Variants in SLCO3A1 observed in about 807,000 individuals in gnomAD.
The protein encoded by SLCO3A1 is solute carrier organic anion transporter family member 3A1, also known as PGE1 transporter.
A neutral mutation model predicts 63.1 loss-of-function variants in SLCO3A1; 27 were observed. The observed-to-expected ratio is 0.43, with a 90% CI of 0.32 to 0.59. SLCO3A1 has a LOEUF of 0.59. SLCO3A1 is among the 20% of genes least tolerant of loss of function. The pLI, the probability that SLCO3A1 is intolerant of heterozygous loss-of-function variation, is 0.09. For missense variants in SLCO3A1, 773 were observed against 945.8 expected, an observed-to-expected ratio of 0.82 and a Z score of 2.40; for synonymous variants, 473 against 409.9, an observed-to-expected ratio of 1.15 and a Z score of -1.86.
At chr15:92,151,341 G>C in intron 9 of SLCO3A1, 1 of 207,910 alleles carries the variant, frequency 4.8e-6, no homozygotes, top group East Asian at 1.2e-4. Context: ...GCCATGAGCA[G>C]CTTGTGAAAT....
intron 2 of SLCO3A1, among the ~76,000 whole-genome samples, chr15:92,017,407 G>A (rs1314611049): frequency 1.3e-5 from 2 of 152,114 alleles, no homozygotes; most frequent in Admixed American, 6.6e-5. Flanking sequence ...TGACAGGGAA[G>A]GACCTAGTGT....
chr15:91,907,484 G>A (rs1274241870), intron 1 of SLCO3A1, among the ~76,000 whole-genome samples: 1 of 151,506 alleles, frequency 6.6e-6, no homozygotes, highest in Non-Finnish European at 1.5e-5. Context: ...AGGATTACAG[G>A]CATGAGCCAC....
intron 2 of SLCO3A1, among the ~76,000 whole-genome samples, chr15:92,032,267 G>A (rs1223946749): frequency 1.3e-5 from 2 of 152,174 alleles, no homozygotes; most frequent in Non-Finnish European, 2.9e-5. Context: ...GGAGAATGAG[G>A]GAGCAGTGGG....
intron 4 of SLCO3A1, among the ~76,000 whole-genome samples, chr15:92,119,043 G>A (rs1567130003): frequency 6.6e-6 from 1 of 152,186 alleles, no homozygotes. Flanking sequence ...TGTATCAGCT[G>A]TATTTCAGCT....
At chr15:91,976,150 A>G (rs993649280) in intron 2 of SLCO3A1, among the ~76,000 whole-genome samples, 1 of 152,176 alleles carries the variant, frequency 6.6e-6, no homozygotes, top group African/African-American at 2.4e-5. Flanking sequence ...GAAAGCAGAA[A>G]TGGGGATGTT....
chr15:92,047,593 A>AATATATAAATATATATATAAATAT lies in SLCO3A1; in HGVS notation c.647-47280_647-47279insATATATATATAAATATATATATAA, dbSNP rs1555427745. Among the ~76,000 whole-genome samples the AATATATAAATATATATATAAATAT allele has an allele frequency of 6.4e-4, 4 of 6,274 alleles. 1 individual carries two copies. Among genetic ancestry groups the AATATATAAATATATATATAAATAT allele is most frequent in the Non-Finnish European group, 1.3e-3 (3 of 2,310 alleles). 4.1% of individuals were successfully genotyped at this position (6,274 alleles called of 152,430 possible). On this transcript the variant is annotated intron_variant, in intron 2 of 9. Transcript: ENST00000318445. ...ATAAATATATATATAATATATATAT[A>AATATATAAATATATATATAAATAT]ATATATAATATATATATAATATATA...
In SLCO3A1 at chr15:92,163,189, T is replaced by C; in HGVS notation, c.*54T>C. 2.1e-6 allele frequency: 3 copies of C among 1,413,990 alleles called. No individual in the cohort carries two copies. In the South Asian group the frequency reaches 5.5e-5, roughly 26 times the overall value. The allele number at this position is 1,413,990 out of a possible 1,614,324, so 87.6% of individuals were successfully genotyped here. ...AGTAATCCAAGGGTCATTTTTTTCT[T>C]AAAAAAAGAAAAAAAGGTTCCAAAA... On this transcript the variant is annotated 3_prime_UTR_variant, in exon 10 of 10. Coordinates refer to ENST00000318445, the MANE Select transcript of SLCO3A1 (RefSeq NM_013272.4).
intron 1 of SLCO3A1, among the ~76,000 whole-genome samples, chr15:91,898,439 C>T (rs1361551640): frequency 2.6e-5 from 4 of 152,228 alleles, no homozygotes; most frequent in Non-Finnish European, 5.9e-5. Flanking sequence ...ACAAACATCT[C>T]ATTTCTGTAA....
intron 2 of SLCO3A1, among the ~76,000 whole-genome samples, chr15:91,964,361 T>G (rs1900577627): frequency 6.6e-6 from 1 of 152,178 alleles, no homozygotes. Flanking sequence ...TTCTACCCTT[T>G]TTAGGGCATG....
At chr15:92,090,178 T>C (rs1265332655) in intron 2 of SLCO3A1, among the ~76,000 whole-genome samples, 1 of 152,196 alleles carries the variant, frequency 6.6e-6, no homozygotes, top group Non-Finnish European at 1.5e-5. Context: ...CACTTGGTTT[T>C]CTCACAGCAA....
intron 1 of SLCO3A1, among the ~76,000 whole-genome samples, chr15:91,892,081 C>G (rs1006698632): frequency 1.3e-5 from 2 of 152,192 alleles, no homozygotes; most frequent in Non-Finnish European, 1.5e-5. Flanking sequence ...GCCCCCTCCC[C>G]CCAGCTTTGC....
intron 2 of SLCO3A1, among the ~76,000 whole-genome samples, chr15:92,084,575 C>T (rs2047383524): frequency 6.6e-6 from 1 of 152,152 alleles, no homozygotes; most frequent in African/African-American, 2.4e-5. Context: ...GTCAGAAACA[C>T]GAATGGGTGC....
chr15:91,853,751 A>G lies in SLCO3A1; in HGVS notation c.-158A>G. ...GCGGCGGCGAGGAGCTGTGCCTTCC[A>G]CCTCTCCAGCCCCGGCAGGACGGGG... On this transcript the variant is annotated 5_prime_UTR_variant, in exon 1 of 10. Transcript: ENST00000318445. 1.6e-6 allele frequency: 1 copy of G among 620,768 alleles called. No homozygotes were observed. The highest frequency in any genetic ancestry group is 2.0e-6 in the Non-Finnish European group (1 of 488,668). The allele number at this position is 620,768 out of a possible 1,614,324, so 38.5% of individuals were successfully genotyped here.
intron 2 of SLCO3A1, among the ~76,000 whole-genome samples, chr15:91,953,863 C>T (rs112109513): frequency 2.0e-5 from 3 of 152,090 alleles, no homozygotes; most frequent in African/African-American, 4.8e-5. Context: ...TGTGTTGATT[C>T]GTCTTTGGAA....
At chr15:92,041,716 C>T (rs143358082) in intron 2 of SLCO3A1, among the ~76,000 whole-genome samples, 96 of 152,236 alleles carry the variant, frequency 6.3e-4, no homozygotes, top group African/African-American at 2.2e-3. Flanking sequence ...CTGCGTGTCA[C>T]CTGACATTTA....
chr15:91,963,412 G>GT (rs55961800), intron 2 of SLCO3A1, among the ~76,000 whole-genome samples: 48 of 58,272 alleles, frequency 8.2e-4, no homozygotes, highest in Admixed American at 1.3e-3. Flanking sequence ...GGAGGGTGGG[G>GT]GGGGGGGGCG....
At chr15:92,159,636 G>A (rs1292046020) in intron 9 of SLCO3A1, among the ~76,000 whole-genome samples, 1 of 144,894 alleles carries the variant, frequency 6.9e-6, no homozygotes, top group Non-Finnish European at 1.5e-5. Flanking sequence ...GCGTGATCAT[G>A]GCTCACTGCA....
chr15:92,030,448 G>C (rs567969640), intron 2 of SLCO3A1, among the ~76,000 whole-genome samples: 1 of 152,306 alleles, frequency 6.6e-6, no homozygotes, highest in Admixed American at 6.5e-5. Flanking sequence ...TTTCGTGCTA[G>C]AGCCGCAGTC....
chr15:92,096,188 G>C (rs1287294385), intron 3 of SLCO3A1, among the ~76,000 whole-genome samples: 1 of 152,144 alleles, frequency 6.6e-6, no homozygotes, highest in Non-Finnish European at 1.5e-5. Flanking sequence ...CCACTTCCAA[G>C]CTCACTGCCA....
Sources: allele counts gnomAD v4.1 joint callset (sites outside exome capture counted in the v4.1 genomes callset), GRCh38; gene constraint gnomAD v4.1.1; transcripts MANE v1.5; gene names NCBI Gene and HGNC (gene_info 2026-07-23, HGNC 2026-07-21).